The following AGBL4 variants were observed in gnomAD, a reference collection of about 807,000 sequenced individuals.
AGBL4 encodes cytosolic carboxypeptidase 6.
In AGBL4, 58 loss-of-function variants were observed where a neutral mutation model predicts 66.4. The ratio of observed to expected loss-of-function variants is 0.87; its 90% CI spans 0.71 to 1.09. The LOEUF (loss-of-function observed/expected upper bound fraction) is 1.09, where lower values mean the gene tolerates loss of function less well. Among genes scored for constraint, AGBL4 ranks in the 50% least tolerant of loss-of-function variants. AGBL4 has a pLI of 0.00. For synonymous variants in AGBL4, 234 were observed against 222.9 expected (o/e 1.05, Z -0.44); for missense variants, 579 against 631.0 (o/e 0.92, Z 0.88).
intron 8 of AGBL4, among the ~76,000 whole-genome samples, chr1:48,650,890 C>T (rs1457409939): frequency 6.6e-6 from 1 of 152,140 alleles, no homozygotes; most frequent in Admixed American, 6.5e-5. Flanking sequence ...TTTAACTTTG[C>T]TTAACTCTGT....
intron 5 of AGBL4, among the ~76,000 whole-genome samples, chr1:48,886,799 C>T (rs1650401730): frequency 6.6e-6 from 1 of 152,150 alleles, no homozygotes; most frequent in Non-Finnish European, 1.5e-5. Context: ...GATCCGCCCG[C>T]CTCGGCCTCC....
At chr1:49,788,731 G>A (rs1441050767) in intron 2 of AGBL4, among the ~76,000 whole-genome samples, 3 of 152,200 alleles carry the variant, frequency 2.0e-5, no homozygotes, top group Non-Finnish European at 4.4e-5. Context: ...GAGAAATTAA[G>A]TTGAAGAAAA....
intron 3 of AGBL4, among the ~76,000 whole-genome samples, chr1:49,320,682 G>C (rs754306527): frequency 9.2e-5 from 14 of 152,140 alleles, no homozygotes; most frequent in Non-Finnish European, 2.9e-5. Flanking sequence ...CCCCAAACAG[G>C]AGGTGAGTGG....
chr1:49,917,801 A>G (rs1345505612), intron 1 of AGBL4, among the ~76,000 whole-genome samples: 1 of 152,112 alleles, frequency 6.6e-6, no homozygotes, highest in African/African-American at 2.4e-5. Flanking sequence ...GCACCACACC[A>G]CACCTATTCC....
At chr1:48,714,743 G>C (rs1186609009) in intron 6 of AGBL4, among the ~76,000 whole-genome samples, 1 of 152,218 alleles carries the variant, frequency 6.6e-6, no homozygotes, top group Non-Finnish European at 1.5e-5. Context: ...TATGAGGCCT[G>C]TGTGCCCCAG....
chr1:49,174,929 A>G (rs1646804179), intron 4 of AGBL4: 1 of 152,118 alleles, frequency 6.6e-6, no homozygotes, highest in Non-Finnish European at 1.5e-5. Flanking sequence ...ATGTCTGAAG[A>G]GAGAGAAAAC....
intron 4 of AGBL4, among the ~76,000 whole-genome samples, chr1:49,147,672 C>A (rs181910792): frequency 6.6e-6 from 1 of 152,034 alleles, no homozygotes; most frequent in Non-Finnish European, 1.5e-5. Flanking sequence ...ATGCTTCACA[C>A]GCATGCTTGT....
chr1:49,097,712 C>A (rs1645131738), intron 4 of AGBL4, among the ~76,000 whole-genome samples: 1 of 152,244 alleles, frequency 6.6e-6, no homozygotes, highest in Non-Finnish European at 1.5e-5. Flanking sequence ...TCCGGAGTAG[C>A]TGGGATTACA....
rs182704076 is a variant in AGBL4 at position 49,745,456 on chromosome 1, A to C, written c.158-48019T>G. Among the ~76,000 whole-genome samples, 6 of 152,170 alleles carry C rather than the reference A, an allele frequency of 3.9e-5. No homozygotes were observed. In the East Asian group the frequency reaches 1.2e-3, roughly 29 times the overall value. On this transcript the variant is annotated intron_variant, in intron 2 of 13. Coordinates refer to ENST00000371839, the MANE Select transcript of AGBL4 (RefSeq NM_032785.4). ...AATGTAAGGGTTAAATTTTCTTGTA[A>C]GTCTATATGTATAAGAGAAAAACAT...
At chr1:49,380,114 C>A (rs562713081) in intron 3 of AGBL4, among the ~76,000 whole-genome samples, 22 of 152,224 alleles carry the variant, frequency 1.4e-4, no homozygotes, top group African/African-American at 4.3e-4. Flanking sequence ...ATTGGCTCAG[C>A]CCAAAATCTC....
intron 4 of AGBL4, among the ~76,000 whole-genome samples, chr1:49,191,296 C>T (rs2148207680): frequency 6.6e-6 from 1 of 152,322 alleles, no homozygotes. Flanking sequence ...CCGTGTACTT[C>T]TCCAATTATA....
chr1:49,801,841 C>T (rs1644868428), intron 2 of AGBL4, among the ~76,000 whole-genome samples: 1 of 152,182 alleles, frequency 6.6e-6, no homozygotes, highest in Admixed American at 6.5e-5. Context: ...AAAAATGTCT[C>T]TTCAAGTGGC....
At chr1:49,208,416 C>A (rs1041404272) in intron 4 of AGBL4, among the ~76,000 whole-genome samples, 1 of 152,068 alleles carries the variant, frequency 6.6e-6, no homozygotes, top group African/African-American at 2.4e-5. Context: ...TACTCCCCAA[C>A]CTATCACCTC....
At position 48,769,526 on chromosome 1, in the gene AGBL4, AACACACACACACACACAC is replaced by A. The variant is rs558937968; in HGVS notation, c.634+97647_634+97664del. 3.8e-5 allele frequency among the ~76,000 whole-genome samples: 5 copies of A among 130,214 alleles called. 1 individual carries two copies. The highest frequency in any genetic ancestry group is 1.2e-4 in the African/African-American group (4 of 34,304). 85.4% of individuals were successfully genotyped at this position (130,214 alleles called of 152,430 possible). A position where few individuals can be genotyped will look rare whatever the true frequency, so the allele number is the denominator to read the frequency against. Reference sequence around the variant, plus strand: ...TAGGTCAAGTCCCAGGAGGATTTAAAACACACACACACACACACACACACACACACACACACACACACA... The same window carrying A: ...TAGGTCAAGTCCCAGGAGGATTTAAAACACACACACACACACACACACACA... On this transcript the variant is annotated intron_variant, in intron 6 of 13. Coordinates refer to ENST00000371839, the MANE Select transcript of AGBL4 (RefSeq NM_032785.4).
intron 4 of AGBL4, among the ~76,000 whole-genome samples, chr1:49,230,630 T>C (rs904933263): frequency 1.3e-5 from 2 of 152,182 alleles, no homozygotes; most frequent in Non-Finnish European, 2.9e-5. Context: ...ACTAAAGAAC[T>C]CTATCCAGCA....
intron 3 of AGBL4, among the ~76,000 whole-genome samples, chr1:49,303,487 C>CT (rs1347463571): frequency 2.6e-4 from 18 of 70,438 alleles, no homozygotes; most frequent in Non-Finnish European, 4.8e-4. Flanking sequence ...GAGTCTTGCT[C>CT]TGTCACCCAG....
At chr1:49,922,450 G>A (rs539451343) in intron 1 of AGBL4, among the ~76,000 whole-genome samples, 8 of 152,196 alleles carry the variant, frequency 5.3e-5, no homozygotes, top group South Asian at 4.2e-4. Flanking sequence ...TGAAGTCCTC[G>A]CCAGGGCAAT....
intron 6 of AGBL4, chr1:48,776,908 G>T: frequency 1.1e-6 from 1 of 884,202 alleles, no homozygotes; most frequent in Non-Finnish European, 1.6e-6. Flanking sequence ...CCGGCGGGGG[G>T]CGCGAGTCTC....
chr1:49,722,116 A>C (rs944922653), intron 2 of AGBL4, among the ~76,000 whole-genome samples: 11 of 152,182 alleles, frequency 7.2e-5, no homozygotes, highest in African/African-American at 2.4e-4. Flanking sequence ...GCCTAGAGCT[A>C]TGAGCAGGAA....
Sources: gnomAD v4.1 joint callset for allele counts (sites outside exome capture counted in the v4.1 genomes callset) on GRCh38, gnomAD v4.1.1 for gene constraint, MANE v1.5 for transcripts, NCBI Gene and HGNC (gene_info 2026-07-23, HGNC 2026-07-21) for gene names.